The following HOMER2 variants were observed in gnomAD, a reference collection of about 807,000 sequenced individuals.
HOMER2 encodes homer protein homolog 2.
A neutral mutation model predicts 47.0 loss-of-function variants in HOMER2; 27 were observed. The observed-to-expected ratio is 0.57, with a 90% CI of 0.42 to 0.79. The LOEUF (loss-of-function observed/expected upper bound fraction) is 0.79, where lower values mean the gene tolerates loss of function less well. HOMER2 is among the 30% of genes least tolerant of loss of function. The pLI, the probability that HOMER2 is intolerant of heterozygous loss-of-function variation, is 0.00. For synonymous variants in HOMER2, 161 were observed against 163.8 expected (o/e 0.98, Z 0.13); for missense variants, 443 against 435.0 (o/e 1.02, Z -0.16).
At chr15:82,898,740 A>G (rs2053018048) in intron 1 of HOMER2, among the ~76,000 whole-genome samples, 1 of 152,240 alleles carries the variant, frequency 6.6e-6, no homozygotes, top group Admixed American at 6.5e-5. Context: ...TAATTCTGCA[A>G]AGAATTAGCA....
chr15:82,867,086 G>A (rs1428138134), intron 3 of HOMER2, among the ~76,000 whole-genome samples: 1 of 152,102 alleles, frequency 6.6e-6, no homozygotes, highest in Admixed American at 6.5e-5. Flanking sequence ...ATATAATTGA[G>A]ATAACTTTAG....
chr15:82,841,426 T>G (rs992434663), exon 2 of HOMER2: 3 of 152,128 alleles, frequency 2.0e-5, no homozygotes, highest in Non-Finnish European at 4.4e-5. Context: ...TTCATCAAAC[T>G]AGAAATAGAG....
intron 1 of HOMER2, among the ~76,000 whole-genome samples, chr15:82,933,620 T>C (rs1163620466): frequency 6.6e-6 from 1 of 152,186 alleles, no homozygotes; most frequent in African/African-American, 2.4e-5. Context: ...CTCCTCCAAA[T>C]GTCCTTCCAT....
chr15:82,890,323 C>CA, intron 2 of HOMER2, among the ~76,000 whole-genome samples: 1 of 152,266 alleles, frequency 6.6e-6, no homozygotes, highest in Non-Finnish European at 1.5e-5. Context: ...GCCTAGGCGA[C>CA]AAAGTGAGAC....
At chr15:82,853,013 A>C (rs987503485) in intron 6 of HOMER2, among the ~76,000 whole-genome samples, 2 of 152,216 alleles carry the variant, frequency 1.3e-5, no homozygotes, top group African/African-American at 4.8e-5. Flanking sequence ...CCCCACATGC[A>C]ACACAAAAGC....
chr15:82,839,647 ACAT>A (rs1187990462), exon 2 of HOMER2: 1 of 152,174 alleles, frequency 6.6e-6, no homozygotes, highest in Non-Finnish European at 1.5e-5. Flanking sequence ...TTGCCAAATA[ACAT>A]CAAAAAGAAA....
intron 3 of HOMER2, among the ~76,000 whole-genome samples, chr15:82,873,565 T>C (rs1442782395): frequency 6.6e-6 from 1 of 152,156 alleles, no homozygotes; most frequent in East Asian, 1.9e-4. Context: ...AAGTGAGGGA[T>C]TGTGGACAGA....
intron 1 of HOMER2, among the ~76,000 whole-genome samples, chr15:82,943,248 C>A (rs990855579): frequency 1.5e-4 from 23 of 152,202 alleles, no homozygotes; most frequent in Non-Finnish European, 2.8e-4. Flanking sequence ...GAAAATATGT[C>A]ATCTAAGCTC....
chr15:82,876,662 T>C (rs1217682471), intron 2 of HOMER2, among the ~76,000 whole-genome samples: 1 of 152,230 alleles, frequency 6.6e-6, no homozygotes, highest in African/African-American at 2.4e-5. Context: ...TCTAAGTAAG[T>C]ATTCTAAAGA....
intron 1 of HOMER2, among the ~76,000 whole-genome samples, chr15:82,903,407 G>C (rs1047362913): frequency 6.6e-6 from 1 of 152,012 alleles, no homozygotes; most frequent in African/African-American, 2.4e-5. Flanking sequence ...GAGGTCGGGA[G>C]TTTGAGACCA....
intron 1 of HOMER2, 92 bp downstream of exon 1, chr15:82,952,439 C>A (rs956622124): frequency 5.9e-5 from 56 of 948,562 alleles, no homozygotes; most frequent in Non-Finnish European, 7.3e-5. Context: ...GGGGCCGGCC[C>A]GCCGGGAGGC....
At chr15:82,972,073 C>T (rs912369910) in intron 1 of HOMER2, among the ~76,000 whole-genome samples, 6 of 152,136 alleles carry the variant, frequency 3.9e-5, no homozygotes, top group Admixed American at 3.9e-4. Flanking sequence ...ATAAAATTCA[C>T]CCATTGTAAG....
At chr15:82,843,827 A>G (rs1220041198) in exon 2 of HOMER2, 3 of 152,220 alleles carry the variant, frequency 2.0e-5, no homozygotes, top group African/African-American at 7.2e-5. Context: ...GGCAATACAT[A>G]TTACAAGTCC....
At chr15:82,904,114 G>A (rs907035861) in intron 1 of HOMER2, among the ~76,000 whole-genome samples, 4 of 152,192 alleles carry the variant, frequency 2.6e-5, no homozygotes, top group Admixed American at 2.6e-4. Flanking sequence ...TCCAGCCTGG[G>A]CGACAGAGTG....
chr15:82,874,395 A>G (rs1008450683), intron 3 of HOMER2, among the ~76,000 whole-genome samples: 1 of 152,138 alleles, frequency 6.6e-6, no homozygotes, highest in Non-Finnish European at 1.5e-5. Flanking sequence ...AATACTTACA[A>G]AGGGCTCTTC....
chr15:82,960,498 G>A (rs541325122), intron 1 of HOMER2, among the ~76,000 whole-genome samples: 1 of 152,252 alleles, frequency 6.6e-6, no homozygotes, highest in South Asian at 2.1e-4. Context: ...GGGCCATTCT[G>A]TTCTAATGTG....
intron 1 of HOMER2, among the ~76,000 whole-genome samples, chr15:82,899,531 A>C (rs2053042663): frequency 6.6e-6 from 1 of 152,266 alleles, no homozygotes; most frequent in Non-Finnish European, 1.5e-5. Context: ...ACTTACAAGC[A>C]TATTGGAGTT....
chr15:82,894,880 A>G (rs1345949659), intron 1 of HOMER2, among the ~76,000 whole-genome samples: 1 of 152,112 alleles, frequency 6.6e-6, no homozygotes, highest in African/African-American at 2.4e-5. Context: ...TCTAGATGGA[A>G]TGATTTTAGG....
chr15:82,870,435 T>A (rs1347662525), intron 3 of HOMER2, among the ~76,000 whole-genome samples: 7 of 152,040 alleles, frequency 4.6e-5, no homozygotes, highest in Admixed American at 2.0e-4. Flanking sequence ...TTAGAAGCCA[T>A]CTTATCACCA....
Sources: gnomAD v4.1 joint callset for allele counts (sites outside exome capture counted in the v4.1 genomes callset) on GRCh38, gnomAD v4.1.1 for gene constraint, MANE v1.5 for transcripts, NCBI Gene and HGNC (gene_info 2026-07-23, HGNC 2026-07-21) for gene names.